Variants in GLIS3 observed in about 807,000 individuals in gnomAD.
GLIS3 encodes GLIS family zinc finger 3, also known as zinc finger protein GLIS3.
GLIS3 carries 53 observed loss-of-function variants against 78.6 expected under a neutral mutation model. That is an observed-to-expected ratio of 0.67 (90% CI 0.54 to 0.85). The LOEUF is 0.85. Ranked by LOEUF, GLIS3 falls within the 40% of genes least tolerant of loss-of-function variation. The pLI, the probability that GLIS3 is intolerant of heterozygous loss-of-function variation, is 0.00. For missense variants in GLIS3, 1,703 were observed against 1,231.1 expected (o/e 1.38, Z -5.74); for synonymous variants, 684 against 509.9 (o/e 1.34, Z -4.60).
the GLIS3 span, among the ~76,000 whole-genome samples, chr9:4,488,829 T>G: frequency 5.3e-5 from 8 of 152,164 alleles, no homozygotes; most frequent in Admixed American, 3.9e-4. Context: ...TATTCTCCCT[T>G]TCTTGATAGT....
the GLIS3 span, among the ~76,000 whole-genome samples, chr9:4,458,785 G>A: frequency 1.3e-5 from 2 of 152,268 alleles, no homozygotes; most frequent in Middle Eastern, 3.4e-3. Flanking sequence ...GCAACAGAGC[G>A]AGACTTGAGT....
chr9:4,360,279 G>C, the GLIS3 span, among the ~76,000 whole-genome samples: 3 of 152,098 alleles, frequency 2.0e-5, no homozygotes, highest in Non-Finnish European at 1.5e-5. Context: ...GTGAAGAGGA[G>C]CAGCAACAAA....
At position 4,125,633 on chromosome 9, in the gene GLIS3, A is replaced by AGT. The variant is rs71497518; in HGVS notation, c.596+99_596+100dup. Reference sequence around the variant, plus strand: ...AGTTGCTTGAGTGTGTAAGTGTATGAGTGTGTGTGTGTGTGTGTGTGTATT... The same window carrying AGT: ...AGTTGCTTGAGTGTGTAAGTGTATGAGTGTGTGTGTGTGTGTGTGTGTGTATT... On this transcript the variant is annotated intron_variant, in intron 3 of 10. Coordinates refer to ENST00000381971, the MANE Select transcript of GLIS3 (RefSeq NM_001042413.2). 0.069 allele frequency: 53,444 copies of AGT among 769,514 alleles called. 2,967 individuals are homozygous for AGT. Among genetic ancestry groups the AGT allele is most frequent in the African/African-American group, 0.34 (19,639 of 58,352 alleles). The allele number at this position is 769,514 out of a possible 1,614,324, so 47.7% of individuals were successfully genotyped here.
chr9:3,955,362 T>C (rs963478829), intron 4 of GLIS3, among the ~76,000 whole-genome samples: 42 of 152,174 alleles, frequency 2.8e-4, no homozygotes, highest in Non-Finnish European at 8.8e-5. Context: ...TTTCTATCTG[T>C]TTATTTATTG....
intron 2 of GLIS3, among the ~76,000 whole-genome samples, chr9:4,174,892 G>A (rs1289080854): frequency 6.6e-6 from 1 of 152,162 alleles, no homozygotes; most frequent in Non-Finnish European, 1.5e-5. Context: ...CAACACGCCT[G>A]CAAGAATCTA....
chr9:4,340,081 C>T (rs10814943), intron 2 of GLIS3, among the ~76,000 whole-genome samples: 74,810 of 150,914 alleles, frequency 0.5, 18,777 homozygotes, highest in African/African-American at 0.58. Flanking sequence ...CATGTCCTCA[C>T]GGCTTGGCTT....
chr9:3,906,716 G>A (rs1473628700), intron 6 of GLIS3, among the ~76,000 whole-genome samples: 1 of 152,018 alleles, frequency 6.6e-6, no homozygotes, highest in East Asian at 1.9e-4. Flanking sequence ...ATATCAAATG[G>A]ACTCTCCTAA....
the GLIS3 span, among the ~76,000 whole-genome samples, chr9:4,411,715 G>C: frequency 6.6e-6 from 1 of 152,142 alleles, no homozygotes; most frequent in Non-Finnish European, 1.5e-5. Flanking sequence ...AAAACTCACA[G>C]CTCATGCTCC....
At chr9:4,267,190 G>A (rs749116850) in intron 2 of GLIS3, among the ~76,000 whole-genome samples, 9 of 152,084 alleles carry the variant, frequency 5.9e-5, no homozygotes, top group African/African-American at 1.4e-4. Flanking sequence ...TTCCTAAACC[G>A]TCACATCTCC....
chr9:3,879,238 G>A (rs113059805), intron 8 of GLIS3, among the ~76,000 whole-genome samples, 189 bp downstream of exon 8: 22 of 152,236 alleles, frequency 1.4e-4, no homozygotes, highest in African/African-American at 4.1e-4. Flanking sequence ...TTGTTTTCCC[G>A]TGGAAAAATG....
intron 9 of GLIS3, among the ~76,000 whole-genome samples, chr9:3,847,825 A>AT (rs1819152885): frequency 6.6e-6 from 1 of 152,220 alleles, no homozygotes; most frequent in African/African-American, 2.4e-5. Context: ...TTTTGTAGTA[A>AT]TTAAGTATAT....
chr9:3,949,146 T>A (rs1005883907), intron 4 of GLIS3, among the ~76,000 whole-genome samples: 21 of 152,214 alleles, frequency 1.4e-4, no homozygotes, highest in African/African-American at 4.8e-4. Flanking sequence ...AAAAAGAACA[T>A]GTCTCAGAAG....
intron 8 of GLIS3, among the ~76,000 whole-genome samples, chr9:3,859,114 G>C (rs1324815942): frequency 6.6e-6 from 1 of 152,160 alleles, no homozygotes; most frequent in Non-Finnish European, 1.5e-5. Flanking sequence ...TCAAAACACA[G>C]TAATGGACAA....
chr9:3,856,313 A>C, intron 8 of GLIS3, 129 bp from the exon 9 acceptor site: 1 of 849,400 alleles, frequency 1.2e-6, no homozygotes, highest in South Asian at 1.5e-5. Context: ...CTTTTAAAAA[A>C]AAATCTTTCA....
chr9:4,147,185 C>G (rs867048476), intron 2 of GLIS3: 1 of 152,152 alleles, frequency 6.6e-6, no homozygotes, highest in East Asian at 1.9e-4. Flanking sequence ...TAATTTCTTA[C>G]AGCAAATACA....
At chr9:4,391,944 T>C in the GLIS3 span, among the ~76,000 whole-genome samples, 2 of 152,232 alleles carry the variant, frequency 1.3e-5, no homozygotes, top group Non-Finnish European at 2.9e-5. Context: ...TGAAGATATA[T>C]GCATGCGTAT....
intron 2 of GLIS3, among the ~76,000 whole-genome samples, chr9:4,312,327 G>T (rs1306074749): frequency 1.3e-5 from 2 of 152,178 alleles, no homozygotes; most frequent in African/African-American, 2.4e-5. Context: ...GAAGAGCCAG[G>T]CATGGTGGTG....
intron 4 of GLIS3, among the ~76,000 whole-genome samples, chr9:4,061,748 C>G (rs1161023618): frequency 1.3e-5 from 2 of 152,028 alleles, no homozygotes; most frequent in Admixed American, 6.5e-5. Context: ...TGAAATGTTT[C>G]TAAAGAAAAA....
chr9:4,187,015 C>G (rs1267778354), intron 2 of GLIS3, among the ~76,000 whole-genome samples: 5 of 152,184 alleles, frequency 3.3e-5, no homozygotes, highest in Non-Finnish European at 5.9e-5. Context: ...TCCCATTTGT[C>G]AATTCTGGCT....
Sources: allele counts gnomAD v4.1 joint callset (sites outside exome capture counted in the v4.1 genomes callset), GRCh38; gene constraint gnomAD v4.1.1; transcripts MANE v1.5; gene names NCBI Gene and HGNC (gene_info 2026-07-23, HGNC 2026-07-21).